VPS50: variants seen among roughly 807,000 people sequenced by gnomAD.
VPS50 encodes syndetin.
Under a neutral mutation model 139.7 loss-of-function variants are expected in VPS50, and 70 were observed. That is an observed-to-expected ratio of 0.50 (90% CI 0.41 to 0.61). The LOEUF is 0.61. Ranked by LOEUF, VPS50 falls within the 20% of genes least tolerant of loss-of-function variation. The pLI is 0.00. For missense variants in VPS50, 921 were observed against 1,133.7 expected (o/e 0.81, Z 2.69); for synonymous variants, 365 against 376.7 (o/e 0.97, Z 0.36).
At chr7:93,344,988 C>A (rs1263499304) in intron 23 of VPS50, among the ~76,000 whole-genome samples, 5 of 152,158 alleles carry the variant, frequency 3.3e-5, no homozygotes, top group Middle Eastern at 3.4e-3. Flanking sequence ...CAGAGGAGAA[C>A]TGAAGGAAAT....
chr7:93,314,828 G>A lies in VPS50; in HGVS notation c.1855+3556G>A, dbSNP rs576786802. 9.2e-5 allele frequency among the ~76,000 whole-genome samples: 14 copies of A among 152,132 alleles called. No homozygotes were observed. The South Asian group carries it at 2.9e-3, about 32-fold the overall frequency. On this transcript the variant is annotated intron_variant, in intron 20 of 27. Coordinates refer to ENST00000305866, the MANE Select transcript of VPS50 (RefSeq NM_017667.4). ...AGACAAGAGATCCACTCCTTCATTAGGACATTCTTTTCATTGGGGGAAGGT... is the reference window on the plus strand; with the variant it reads ...AGACAAGAGATCCACTCCTTCATTAAGACATTCTTTTCATTGGGGGAAGGT...
chr7:93,247,604 T>A (rs1795194657), intron 2 of VPS50, among the ~76,000 whole-genome samples: 1 of 151,962 alleles, frequency 6.6e-6, no homozygotes, highest in Non-Finnish European at 1.5e-5. Flanking sequence ...ATCACCCTCA[T>A]GTTCTGCTGT....
intron 20 of VPS50, 79 bp downstream of exon 20, chr7:93,311,351 T>C (rs1797261128): frequency 1.2e-5 from 9 of 757,112 alleles, no homozygotes; most frequent in South Asian, 1.2e-4. Context: ...GTGGTTTTTA[T>C]TGTCTTGTAT....
At chr7:93,275,485 G>A (rs530792232) in intron 11 of VPS50, among the ~76,000 whole-genome samples, 1 of 152,204 alleles carries the variant, frequency 6.6e-6, no homozygotes, top group South Asian at 2.1e-4. Flanking sequence ...CCAGAAAAAA[G>A]ATCGACTCAC....
chr7:93,265,161 A>G (rs932085106), intron 9 of VPS50, among the ~76,000 whole-genome samples: 3 of 151,972 alleles, frequency 2.0e-5, no homozygotes, highest in African/African-American at 4.8e-5. Flanking sequence ...ATTAAAAAAT[A>G]TATACATAAT....
chr7:93,298,103 GATTA>G (rs950502833), intron 16 of VPS50, among the ~76,000 whole-genome samples: 18 of 152,044 alleles, frequency 1.2e-4, no homozygotes, highest in East Asian at 1.2e-3. Context: ...CCAAACCATT[GATTA>G]ATTAATTATT....
At chr7:93,328,271 A>AT (rs981326877) in intron 21 of VPS50, among the ~76,000 whole-genome samples, 8 of 152,348 alleles carry the variant, frequency 5.3e-5, no homozygotes, top group Non-Finnish European at 7.4e-5. Flanking sequence ...TTAAAACAGT[A>AT]GTAAACACAT....
chr7:93,338,516 TG>T (rs1798126751), intron 22 of VPS50, among the ~76,000 whole-genome samples: 1 of 152,208 alleles, frequency 6.6e-6, no homozygotes, highest in South Asian at 2.1e-4. Flanking sequence ...ATCTGTTTGT[TG>T]AACACTATAT....
Position 93,360,696 on chromosome 7 carries a change from T to C in VPS50, c.*2260T>C, listed in dbSNP as rs1198778147. The C allele has an allele frequency of 6.6e-6, 1 of 152,082 alleles. No homozygotes were observed. The highest frequency in any genetic ancestry group is 1.5e-5 in the Non-Finnish European group (1 of 67,988). 9.4% of individuals were successfully genotyped at this position (152,082 alleles called of 1,614,324 possible). A position where few individuals can be genotyped will look rare whatever the true frequency, so the allele number is the denominator to read the frequency against. ...TTTGAGTCTAAACTTTCCTTAACTTTGACATTTTCCATGAAAGTTTCCTGT... is the reference window on the plus strand; with the variant it reads ...TTTGAGTCTAAACTTTCCTTAACTTCGACATTTTCCATGAAAGTTTCCTGT... On this transcript the variant is annotated 3_prime_UTR_variant, in exon 28 of 28. Transcript: ENST00000305866.
chr7:93,347,572 A>G (rs1798435226), intron 23 of VPS50, among the ~76,000 whole-genome samples: 1 of 133,002 alleles, frequency 7.5e-6, no homozygotes. Flanking sequence ...ACTTGGAACC[A>G]ACCCAAATGT....
At position 93,358,522 on chromosome 7, in the gene VPS50, A is replaced by G. The variant is rs151222457; in HGVS notation, c.*86A>G. 1.3e-3 allele frequency: 1,431 copies of G among 1,075,386 alleles called. 7 individuals carry two copies. Among genetic ancestry groups the G allele is most frequent in the Non-Finnish European group, 1.7e-3 (1,265 of 728,232 alleles). 66.6% of individuals were successfully genotyped at this position (1,075,386 alleles called of 1,614,324 possible). ...CCAGTTTTTTTATGCACTTCTGACA[A>G]CTATCTGCTAAGAAAACTTTGTGCA... On this transcript the variant is annotated 3_prime_UTR_variant, in exon 28 of 28. Transcript: ENST00000305866.
intron 18 of VPS50, among the ~76,000 whole-genome samples, chr7:93,307,287 T>C (rs951861857): frequency 3.3e-5 from 5 of 151,904 alleles, no homozygotes; most frequent in Non-Finnish European, 7.4e-5. Flanking sequence ...GACACACATA[T>C]TTTGTTTCTC....
intron 15 of VPS50, 130 bp from the exon 16 acceptor site, chr7:93,297,015 G>C (rs894248036): frequency 2.0e-5 from 29 of 1,451,056 alleles, no homozygotes; most frequent in Admixed American, 3.4e-5. Context: ...TTATGGATTT[G>C]TGATCTTTAG....
In VPS50 at chr7:93,259,556, G is replaced by A. The variant is rs1795602336; in HGVS notation, c.583G>A (p.Asp195Asn). The A allele has an allele frequency of 6.4e-7, 1 of 1,565,218 alleles. No individual in the cohort carries two copies. Among genetic ancestry groups the A allele is most frequent in the Non-Finnish European group, 8.8e-7 (1 of 1,136,672 alleles). ...VRLSEMLEEE[D>N]YPGAIQLCLE... ...CTGTTGTTGTTACCTTAAGGAGGAA[G>A]ATTATCCAGGAGCTATTCAGTTGTG... Residue 195 changes from aspartate (D) to asparagine (N), a missense_variant, in exon 9 of 28, where the codon GAT becomes AAT. By Grantham distance (23) the Asp-to-Asn change is conservative. Transcript: ENST00000305866.
intron 18 of VPS50, among the ~76,000 whole-genome samples, chr7:93,308,403 T>A (rs1257498707): frequency 6.6e-6 from 1 of 151,936 alleles, no homozygotes; most frequent in Non-Finnish European, 1.5e-5. Context: ...CATGTGTTTA[T>A]TAAGCTGAAG....
intron 2 of VPS50, among the ~76,000 whole-genome samples, chr7:93,247,699 C>T (rs370426376): frequency 4.1e-4 from 63 of 151,984 alleles, no homozygotes; most frequent in Middle Eastern, 3.4e-3. Context: ...TACTCATTTT[C>T]GTTCCTGTAT....
At chr7:93,279,015 G>A (rs115327025) in intron 12 of VPS50, among the ~76,000 whole-genome samples, 2,165 of 152,194 alleles carry the variant, frequency 0.014, 53 homozygotes, top group African/African-American at 0.048. Context: ...AAATATTGGC[G>A]ATGGCTTAAT....
intron 5 of VPS50, 62 bp from the exon 6 acceptor site, chr7:93,257,332 A>G: frequency 2.0e-6 from 2 of 988,030 alleles, no homozygotes; most frequent in Non-Finnish European, 3.2e-6. Context: ...TTAGAGTACT[A>G]TATAAATAAG....
intron 2 of VPS50, among the ~76,000 whole-genome samples, chr7:93,240,567 C>A (rs1302129870): frequency 6.6e-6 from 1 of 152,070 alleles, no homozygotes; most frequent in Admixed American, 6.6e-5. Context: ...ATTGTTAAAT[C>A]CCTGCTGTTT....
Sources: allele counts gnomAD v4.1 joint callset (sites outside exome capture counted in the v4.1 genomes callset), GRCh38; gene constraint gnomAD v4.1.1; transcripts MANE v1.5; gene names NCBI Gene and HGNC (gene_info 2026-07-23, HGNC 2026-07-21).